DYNC2H1: variants seen among roughly 807,000 people sequenced by gnomAD.
DYNC2H1 encodes dynein cytoplasmic 2 heavy chain 1, also known as cytoplasmic dynein 2 heavy chain 1.
In DYNC2H1, 410 loss-of-function variants were observed where a neutral mutation model predicts 570.0. The ratio of observed to expected loss-of-function variants is 0.72; its 90% CI spans 0.66 to 0.78. The LOEUF is 0.78. Among genes scored for constraint, DYNC2H1 ranks in the 30% least tolerant of loss-of-function variants. The pLI, the probability that DYNC2H1 is intolerant of heterozygous loss-of-function variation, is 0.00. For synonymous variants in DYNC2H1, 1,688 were observed against 1,677.6 expected, an observed-to-expected ratio of 1.01 and a Z score of -0.15; for missense variants, 4,865 against 5,046.4, an observed-to-expected ratio of 0.96 and a Z score of 1.09.
intron 83 of DYNC2H1, among the ~76,000 whole-genome samples, chr11:103,370,463 G>A (rs1941100234): frequency 6.6e-6 from 1 of 152,110 alleles, no homozygotes; most frequent in African/African-American, 2.4e-5. Context: ...AAACCCCAGG[G>A]CCTTGAGTGA....
chr11:103,116,485 A>G (rs1591261525), intron 4 of DYNC2H1, 85 bp from the exon 5 acceptor site: 2 of 992,832 alleles, frequency 2.0e-6, no homozygotes, highest in Admixed American at 6.5e-5. Flanking sequence ...GAGTTGTGGC[A>G]GTTGAAAAGG....
At chr11:103,180,031 G>A (rs1861785856) in intron 39 of DYNC2H1, among the ~76,000 whole-genome samples, 2 of 151,394 alleles carry the variant, frequency 1.3e-5, no homozygotes, top group African/African-American at 4.8e-5. Flanking sequence ...AAATTATTTA[G>A]TTGTTTACTT....
intron 85 of DYNC2H1, among the ~76,000 whole-genome samples, chr11:103,436,400 G>GT (rs768228079): frequency 1.3e-5 from 2 of 151,852 alleles, no homozygotes; most frequent in Non-Finnish European, 2.9e-5. Context: ...AATTGATCAA[G>GT]TTTTTTCAGA....
intron 82 of DYNC2H1, among the ~76,000 whole-genome samples, chr11:103,338,033 T>A (rs1413318466): frequency 1.3e-5 from 2 of 152,208 alleles, no homozygotes; most frequent in Non-Finnish European, 2.9e-5. Context: ...AAGTCTTTAA[T>A]CCATTTTGAT....
intron 84 of DYNC2H1, among the ~76,000 whole-genome samples, chr11:103,430,277 C>T (rs1211054742): frequency 6.6e-6 from 1 of 152,120 alleles, no homozygotes; most frequent in East Asian, 1.9e-4. Context: ...CCTTTCTCTA[C>T]ATCAGTTTCC....
chr11:103,154,649 T>G, intron 23 of DYNC2H1, 43 bp downstream of exon 23: 1 of 1,571,848 alleles, frequency 6.4e-7, no homozygotes, highest in South Asian at 1.2e-5. Context: ...TTTGGTTGTT[T>G]TATTTTTGGA....
At chr11:103,215,947 G>A in intron 55 of DYNC2H1, 89 bp downstream of exon 55, 1 of 1,452,450 alleles carries the variant, frequency 6.9e-7, no homozygotes, top group Admixed American at 2.4e-5. Context: ...TCACTTAGGT[G>A]GATTTAAAAA....
intron 20 of DYNC2H1, among the ~76,000 whole-genome samples, chr11:103,149,099 A>G (rs1030213026): frequency 6.6e-6 from 1 of 152,134 alleles, no homozygotes; most frequent in Non-Finnish European, 1.5e-5. Context: ...TAGACTTTCG[A>G]TGCACTATTG....
intron 82 of DYNC2H1, among the ~76,000 whole-genome samples, chr11:103,346,908 T>C (rs1334835336): frequency 6.6e-6 from 1 of 152,178 alleles, no homozygotes; most frequent in Non-Finnish European, 1.5e-5. Flanking sequence ...ATCCATTAGA[T>C]GGAAGGTTGA....
chr11:103,199,918 T>A lies in DYNC2H1; in HGVS notation c.8089-128T>A. The stretch of plus-strand genomic sequence containing the variant: ...TGGCTAAAGTTTGATTTTTAATTAT[T>A]AAAATGGAAATAAATGAATAAATAA... On this transcript the variant is annotated intron_variant, in intron 49 of 88. Coordinates refer to ENST00000375735, the MANE Select transcript of DYNC2H1 (RefSeq NM_001377.3). This position sits in a 1 kb window ranked among gnomAD's most constrained non-coding sequence, Gnocchi z 4.6. 1.5e-6 allele frequency: 1 copy of A among 652,904 alleles called. No individual in the cohort carries two copies. Among genetic ancestry groups the A allele is most frequent in the Non-Finnish European group, 2.5e-6 (1 of 398,032 alleles). The allele number at this position is 652,904 out of a possible 1,614,324, so 40.4% of individuals were successfully genotyped here. A position where few individuals can be genotyped will look rare whatever the true frequency, so the allele number is the denominator to read the frequency against.
At chr11:103,288,684 T>TAAAAAAAAAAAAAAAAAAAA (rs57040929) in intron 75 of DYNC2H1, among the ~76,000 whole-genome samples, 32 of 27,908 alleles carry the variant, frequency 1.1e-3, no homozygotes, top group Non-Finnish European at 1.6e-3. Flanking sequence ...CCGTCTCTAC[T>TAAAAAAAAAAAAAAAAAAAA]AAAAAAAAAA....
chr11:103,192,406 A>G (rs963677163), intron 47 of DYNC2H1, 142 bp downstream of exon 47: 4 of 572,760 alleles, frequency 7.0e-6, no homozygotes, highest in Non-Finnish European at 1.1e-5. Flanking sequence ...GGTACAGCTC[A>G]GTCTTTTTTG....
chr11:103,376,603 AT>A (rs138974269), intron 83 of DYNC2H1, among the ~76,000 whole-genome samples: 5,371 of 152,170 alleles, frequency 0.035, 312 homozygotes, highest in African/African-American at 0.12. Context: ...TCCCATTTAT[AT>A]TTGTGTTATC....
intron 85 of DYNC2H1, among the ~76,000 whole-genome samples, chr11:103,450,177 A>G (rs1944551437): frequency 6.6e-6 from 1 of 152,212 alleles, no homozygotes; most frequent in Admixed American, 6.5e-5. Context: ...AAACTTTTAC[A>G]CACCTAATAA....
At chr11:103,210,636 A>C (rs193154953) in intron 53 of DYNC2H1, among the ~76,000 whole-genome samples, 7 of 152,232 alleles carry the variant, frequency 4.6e-5, no homozygotes, top group Admixed American at 4.6e-4. Flanking sequence ...TTGGAAAGTA[A>C]AACTTCAGAC....
rs1408295134 is a variant in DYNC2H1 at position 103,268,294 on chromosome 11, T to G, written c.10695+8317T>G. Among the ~76,000 whole-genome samples, 2 of 152,088 alleles carry G rather than the reference T, an allele frequency of 1.3e-5. No individual in the cohort carries two copies. The highest frequency in any genetic ancestry group is 2.9e-5 in the Non-Finnish European group (2 of 67,930). On this transcript the variant is annotated intron_variant, in intron 70 of 88. Transcript: ENST00000375735. The surrounding 1 kb of genome is among the most constrained non-coding windows in gnomAD (Gnocchi z 4.6). ...CTTTAAATTTTTACCAAGCTCTGGT[T>G]TATAAATGTTATCTTATTGTTTTTA...
chr11:103,177,838 C>G lies in DYNC2H1; in HGVS notation c.6139+18C>G. ...ACCTCAAGGTTAGTCTCTATGTATACTTCTTTGCTTTACTTAGTAATTCTT... is the reference window on the plus strand; with the variant it reads ...ACCTCAAGGTTAGTCTCTATGTATAGTTCTTTGCTTTACTTAGTAATTCTT... On this transcript the variant is annotated intron_variant, in intron 38 of 88. Transcript: ENST00000375735. The surrounding 1 kb of genome is among the most constrained non-coding windows in gnomAD (Gnocchi z 4.4). 6.3e-7 allele frequency: 1 copy of G among 1,578,614 alleles called. No individual in the cohort carries two copies. The highest frequency in any genetic ancestry group is 8.5e-7 in the Non-Finnish European group (1 of 1,169,890).
chr11:103,420,108 A>C (rs796301859), intron 84 of DYNC2H1, among the ~76,000 whole-genome samples: 1 of 152,118 alleles, frequency 6.6e-6, no homozygotes, highest in African/African-American at 2.4e-5. Context: ...AAAGGAATGA[A>C]TAAAACCTCC....
In DYNC2H1 at chr11:103,257,500, G is replaced by T. The variant is rs576046260; in HGVS notation, c.10462-108G>T. The T allele has an allele frequency of 1.5e-5, 17 of 1,133,562 alleles. No individual in the cohort carries two copies. The East Asian group carries it at 4.2e-4, about 28-fold the overall frequency. The allele number at this position is 1,133,562 out of a possible 1,614,324, so 70.2% of individuals were successfully genotyped here. A position where few individuals can be genotyped will look rare whatever the true frequency, so the allele number is the denominator to read the frequency against. On this transcript the variant is annotated intron_variant, in intron 68 of 88. Transcript: ENST00000375735. The stretch of plus-strand genomic sequence containing the variant: ...GTTTTATGTGCATAGAAAAAGTAAG[G>T]TTTTTTTATTACTTGGGTAGATATG...
Sources: allele counts gnomAD v4.1 joint callset (sites outside exome capture counted in the v4.1 genomes callset), GRCh38; gene constraint gnomAD v4.1.1; non-coding constraint Gnocchi (gnomAD v3.1); transcripts MANE v1.5; gene names NCBI Gene and HGNC (gene_info 2026-07-23, HGNC 2026-07-21).